TIMM22: variants seen among roughly 807,000 people sequenced by gnomAD.
TIMM22 encodes the protein mitochondrial import inner membrane translocase subunit Tim22.
TIMM22 carries 12 observed loss-of-function variants against 18.3 expected under a neutral mutation model. The ratio of observed to expected loss-of-function variants is 0.65; its 90% CI spans 0.42 to 1.06. The LOEUF (loss-of-function observed/expected upper bound fraction) is 1.06, where lower values mean the gene tolerates loss of function less well. Ranked by LOEUF, TIMM22 falls within the 50% of genes least tolerant of loss-of-function variation. The pLI is 0.00. For synonymous variants in TIMM22, 107 were observed against 98.5 expected (o/e 1.09, Z -0.51); for missense variants, 278 against 252.8 (o/e 1.10, Z -0.68).
Position 997,288 on chromosome 17 carries a change from G to A in TIMM22, c.146G>A (p.Gly49Glu), listed in dbSNP as rs372574724. The stretch of plus-strand genomic sequence containing the variant: ...CTCCTGGAGCCTGGGAGCCTGGGCG[G>A]GATCCCAAGTCCAGCCAAGAGTGAG... ...PRLLEPGSLGGIPSPAKSEEQ... is the reference protein window; with the variant it reads ...PRLLEPGSLGEIPSPAKSEEQ... Residue 49 changes from glycine to glutamate, a missense_variant, in exon 1 of 4, where the codon GGG (glycine) becomes GAG (glutamate). Physicochemically the swap from Gly to Glu is moderately conservative, Grantham distance 98. Coordinates refer to ENST00000327158, the MANE Select transcript of TIMM22 (RefSeq NM_013337.4). The A allele has an allele frequency of 6.2e-7, 1 of 1,613,648 alleles. No homozygotes were observed. Among genetic ancestry groups the A allele is most frequent in the African/African-American group, 1.3e-5 (1 of 74,924 alleles).
chr17:999,339 A>C lies in TIMM22; in HGVS notation c.436-173A>C, dbSNP rs554614085. Among the ~76,000 whole-genome samples, 302 of 138,364 alleles carry C rather than the reference A, an allele frequency of 2.2e-3. 14 individuals are homozygous for C. The highest frequency in any genetic ancestry group is 2.5e-3 in the Non-Finnish European group (165 of 66,288). 90.8% of individuals were successfully genotyped at this position (138,364 alleles called of 152,430 possible). On this transcript the variant is annotated intron_variant, in intron 2 of 3. Transcript: ENST00000327158. ...GAACGCATACTATATATATATATAT[A>C]TATATATATATATATATATACACGC...
intron 1 of TIMM22, among the ~76,000 whole-genome samples, chr17:997,813 A>G (rs184664248): frequency 0.021 from 3,128 of 152,300 alleles, 111 homozygotes; most frequent in African/African-American, 0.072. Flanking sequence ...CTCCGTCTCA[A>G]AAACAACAAC....
intron 2 of TIMM22, 31 bp downstream of exon 2, chr17:999,006 G>C (rs1218810801): frequency 6.3e-7 from 1 of 1,578,054 alleles, no homozygotes. Flanking sequence ...AGAAATCCTT[G>C]CTGGGGCCAC....
chr17:1,000,763 C>T (rs781283980), intron 3 of TIMM22, among the ~76,000 whole-genome samples: 1 of 152,160 alleles, frequency 6.6e-6, no homozygotes, highest in South Asian at 2.1e-4. Flanking sequence ...TTCCTGCCTG[C>T]GAGGGGCTAT....
chr17:998,751 A>G, intron 1 of TIMM22, 28 bp from the exon 2 acceptor site: 1 of 1,602,828 alleles, frequency 6.2e-7, no homozygotes. Context: ...CATGCCAAAG[A>G]CACCTTCATC....
chr17:1,001,118 C>T lies in TIMM22; in HGVS notation c.*30C>T. The T allele has an allele frequency of 6.2e-7, 1 of 1,611,242 alleles. No homozygotes were observed. Among genetic ancestry groups the T allele is most frequent in the East Asian group, 2.2e-5 (1 of 44,846 alleles). On this transcript the variant is annotated 3_prime_UTR_variant, in exon 4 of 4. Coordinates refer to ENST00000327158, the MANE Select transcript of TIMM22 (RefSeq NM_013337.4). ...AATTGCCTGCAGGGAAGGATGATGC[C>T]AGCCCCGGATCCGGGCTGCTCTCTG...
rs140895523 is a variant in TIMM22 at position 999,602 on chromosome 17, G to A, written c.508+18G>A. 4.4e-4 allele frequency: 704 copies of A among 1,611,520 alleles called. 3 individuals are homozygous for A. The East Asian group carries it at 0.014, about 33-fold the overall frequency. ...TTTCAGAGGTTAGTAAACGGCTCTC[G>A]AATGCTTTTTCTTTGTGGCCTTGGA... is the stretch of plus-strand genomic sequence containing the variant. On this transcript the variant is annotated intron_variant, in intron 3 of 3. Transcript: ENST00000327158.
intron 3 of TIMM22, among the ~76,000 whole-genome samples, chr17:1,000,133 C>G (rs1292252278): frequency 6.6e-6 from 1 of 152,000 alleles, no homozygotes; most frequent in Non-Finnish European, 1.5e-5. Flanking sequence ...ATCTGCCTGC[C>G]TCAGCCTCCC....
rs1795606580 is a variant in TIMM22, at chr17:1,003,092, C to A, written c.*2004C>A. On this transcript the variant is annotated 3_prime_UTR_variant, in exon 4 of 4. Coordinates refer to ENST00000327158, the MANE Select transcript of TIMM22 (RefSeq NM_013337.4). ...AAAGGGAGGGTGGGCCCTCGGAGAC[C>A]CAGCTTCTCTGACAAGCAGATTAGA... 1 of 152,120 alleles carries A rather than the reference C, an allele frequency of 6.6e-6. No homozygotes were observed. The highest frequency in any genetic ancestry group is 2.1e-4 in the South Asian group (1 of 4,832). 9.4% of individuals were successfully genotyped at this position (152,120 alleles called of 1,614,324 possible).
rs948406763 is a variant in TIMM22 at position 1,003,048 on chromosome 17, T to G, written c.*1960T>G. ...TGCTTCGGCTGGTGGGAGCCAATATTCACGCCACTGACTCTCTCAAAGGGA... is the reference window on the plus strand; with the variant it reads ...TGCTTCGGCTGGTGGGAGCCAATATGCACGCCACTGACTCTCTCAAAGGGA... On this transcript the variant is annotated 3_prime_UTR_variant, in exon 4 of 4. Transcript: ENST00000327158. 8 of 152,066 alleles carry G rather than the reference T, an allele frequency of 5.3e-5. No homozygotes were observed. The highest frequency in any genetic ancestry group is 1.9e-4 in the African/African-American group (8 of 41,410). 9.4% of individuals were successfully genotyped at this position (152,066 alleles called of 1,614,324 possible). A position where few individuals can be genotyped will look rare whatever the true frequency, so the allele number is the denominator to read the frequency against.
intron 1 of TIMM22, 136 bp from the exon 2 acceptor site, chr17:998,643 G>T: frequency 1.3e-6 from 1 of 791,940 alleles, no homozygotes; most frequent in African/African-American, 1.7e-5. Flanking sequence ...CCAGGCAAGT[G>T]GAGAGTTTGA....
rs2069743423 is a variant in TIMM22, at chr17:1,001,369, C to T, written c.*281C>T. 42 of 373,190 alleles carry T rather than the reference C, an allele frequency of 1.1e-4. 1 individual carries two copies. Among genetic ancestry groups the T allele is most frequent in the South Asian group, 9.6e-4 (42 of 43,954 alleles). The allele number at this position is 373,190 out of a possible 1,614,324, so 23.1% of individuals were successfully genotyped here. A position where few individuals can be genotyped will look rare whatever the true frequency, so the allele number is the denominator to read the frequency against. On this transcript the variant is annotated 3_prime_UTR_variant, in exon 4 of 4. Transcript: ENST00000327158. ...GACAGGATGTTGACATATAGGAATT[C>T]AGCTCCACAAAGCTTCAGGCCTGAC... is the stretch of plus-strand genomic sequence containing the variant.
chr17:1,001,265 C>A lies in TIMM22; in HGVS notation c.*177C>A. ...TCTCTGCCTCCAGCCTTTGGGGTAG[C>A]CACACTTTGCTGCTCCTGGACTCCA... is the stretch of plus-strand genomic sequence containing the variant. On this transcript the variant is annotated 3_prime_UTR_variant, in exon 4 of 4. Coordinates refer to ENST00000327158, the MANE Select transcript of TIMM22 (RefSeq NM_013337.4). 1 of 616,238 alleles carries A rather than the reference C, an allele frequency of 1.6e-6. No individual in the cohort carries two copies. The highest frequency in any genetic ancestry group is 2.8e-5 in the Admixed American group (1 of 35,320). The allele number at this position is 616,238 out of a possible 1,614,324, so 38.2% of individuals were successfully genotyped here.
intron 3 of TIMM22, among the ~76,000 whole-genome samples, chr17:1,000,350 A>C (rs1299654864): frequency 1.3e-5 from 2 of 149,618 alleles, no homozygotes; most frequent in African/African-American, 4.9e-5. Flanking sequence ...AAAAAAAGAA[A>C]ACCAATTTGC....
Position 1,001,914 on chromosome 17 carries a change from A to G in TIMM22, c.*826A>G, listed in dbSNP as rs1170156447. The G allele has an allele frequency of 6.6e-6, 1 of 152,176 alleles. No homozygotes were observed. 9.4% of individuals were successfully genotyped at this position (152,176 alleles called of 1,614,324 possible). Reference sequence around the variant, plus strand: ...CTCCTGTGCCGGCCGAGAGGCACACACTGCCTTCACGACGTGACTGCTGGA... The same window carrying G: ...CTCCTGTGCCGGCCGAGAGGCACACGCTGCCTTCACGACGTGACTGCTGGA... On this transcript the variant is annotated 3_prime_UTR_variant, in exon 4 of 4. Coordinates refer to ENST00000327158, the MANE Select transcript of TIMM22 (RefSeq NM_013337.4).
intron 1 of TIMM22, 45 bp downstream of exon 1, chr17:997,425 G>C (rs1355638009): frequency 3.8e-6 from 6 of 1,577,850 alleles, no homozygotes; most frequent in South Asian, 1.1e-5. Flanking sequence ...GGGCCTGGAC[G>C]GCAGTGGGGA....
At chr17:999,414 A>G in intron 2 of TIMM22, 98 bp from the exon 3 acceptor site, 4 of 1,029,058 alleles carry the variant, frequency 3.9e-6, no homozygotes, top group Non-Finnish European at 4.3e-6. Flanking sequence ...TCCTTTGGGT[A>G]GGGACTGAAT....
rs2069794424 is a variant in TIMM22, at chr17:1,003,211, A to G, written c.*2123A>G. 1 of 152,236 alleles carries G rather than the reference A, an allele frequency of 6.6e-6. No individual in the cohort carries two copies. Among genetic ancestry groups the G allele is most frequent in the Non-Finnish European group, 1.5e-5 (1 of 68,042 alleles). 9.4% of individuals were successfully genotyped at this position (152,236 alleles called of 1,614,324 possible). ...CGCTTCCTGTTCAGTGGACAACTTC[A>G]TGCCACTTTCAAGGCACACCGATGG... On this transcript the variant is annotated 3_prime_UTR_variant, in exon 4 of 4. Transcript: ENST00000327158.
At chr17:997,478 G>A (rs1429204631) in intron 1 of TIMM22, 98 bp downstream of exon 1, 1 of 1,239,042 alleles carries the variant, frequency 8.1e-7, no homozygotes, top group Non-Finnish European at 1.1e-6. Context: ...GAGGGACTGC[G>A]GGCCTTGACC....
Sources: allele counts gnomAD v4.1 joint callset (sites outside exome capture counted in the v4.1 genomes callset), GRCh38; gene constraint gnomAD v4.1.1; transcripts MANE v1.5; gene names NCBI Gene and HGNC (gene_info 2026-07-23, HGNC 2026-07-21).